PTPRD: variants seen among roughly 807,000 people sequenced by gnomAD.
PTPRD encodes the protein receptor-type tyrosine-protein phosphatase delta.
PTPRD carries 34 observed loss-of-function variants against 214.5 expected under a neutral mutation model. The observed-to-expected ratio is 0.16, with a 90% CI of 0.12 to 0.21. The LOEUF is 0.21. Among genes scored for constraint, PTPRD ranks in the 10% least tolerant of loss-of-function variants. PTPRD has a pLI of 1.00. For synonymous variants in PTPRD, 1,128 were observed against 845.7 expected (o/e 1.33, Z -5.79); for missense variants, 2,545 against 2,398.7 (o/e 1.06, Z -1.27).
intron 7 of PTPRD, among the ~76,000 whole-genome samples, chr9:9,658,616 T>C (rs577706056): frequency 1.3e-5 from 2 of 152,264 alleles, no homozygotes; most frequent in South Asian, 4.1e-4. Flanking sequence ...GGTTCTTTTA[T>C]TGGCAGAGAA....
chr9:8,718,509 G>A (rs1352087552), intron 12 of PTPRD, among the ~76,000 whole-genome samples: 1 of 151,980 alleles, frequency 6.6e-6, no homozygotes, highest in African/African-American at 2.4e-5. Context: ...AGTGGTTTCT[G>A]CTGCTTACAT....
chr9:9,519,274 T>C (rs1367152476), intron 8 of PTPRD, among the ~76,000 whole-genome samples: 1 of 144,942 alleles, frequency 6.9e-6, no homozygotes, highest in Non-Finnish European at 1.6e-5. Flanking sequence ...ATGGCCTCAG[T>C]GGCCATATAA....
chr9:10,457,427 G>A (rs1252986962), intron 2 of PTPRD, among the ~76,000 whole-genome samples: 1 of 151,918 alleles, frequency 6.6e-6, no homozygotes, highest in Non-Finnish European at 1.5e-5. Context: ...AGTCTATAAA[G>A]TCTTGGTTAT....
At chr9:9,651,742 C>T (rs1594253971) in intron 7 of PTPRD, among the ~76,000 whole-genome samples, 1 of 146,886 alleles carries the variant, frequency 6.8e-6, no homozygotes, top group East Asian at 2.0e-4. Flanking sequence ...GATTTATATT[C>T]ATTGGGTATA....
chr9:8,340,266 G>A (rs1323490867), intron 42 of PTPRD, 77 bp downstream of exon 42: 1 of 1,460,848 alleles, frequency 6.8e-7, no homozygotes, highest in Middle Eastern at 1.8e-4. Flanking sequence ...TCTAGCACAA[G>A]AGTTATTGAA....
At chr9:8,507,864 A>G (rs1341932551) in intron 21 of PTPRD, among the ~76,000 whole-genome samples, 1 of 152,226 alleles carries the variant, frequency 6.6e-6, no homozygotes, top group African/African-American at 2.4e-5. Flanking sequence ...TACATGTAAC[A>G]TTCAAAATTA....
intron 12 of PTPRD, among the ~76,000 whole-genome samples, chr9:8,727,813 T>A (rs1021347721): frequency 2.0e-5 from 3 of 152,178 alleles, no homozygotes; most frequent in African/African-American, 7.2e-5. Flanking sequence ...CCACCACAAC[T>A]GGCTGTTTTT....
intron 11 of PTPRD, among the ~76,000 whole-genome samples, chr9:8,904,644 C>T (rs528892517): frequency 3.8e-4 from 57 of 150,028 alleles, no homozygotes; most frequent in Non-Finnish European, 6.5e-4. Flanking sequence ...TGCACTCCAG[C>T]CTGGGTAGCA....
At chr9:9,232,536 C>T (rs773743546) in intron 9 of PTPRD, among the ~76,000 whole-genome samples, 1 of 152,082 alleles carries the variant, frequency 6.6e-6, no homozygotes, top group Non-Finnish European at 1.5e-5. Context: ...AAACATTTCA[C>T]TGTTATGAAA....
At chr9:10,599,616 A>G (rs2077474686) in intron 2 of PTPRD, among the ~76,000 whole-genome samples, 1 of 151,784 alleles carries the variant, frequency 6.6e-6, no homozygotes, top group Admixed American at 6.6e-5. Flanking sequence ...CAGGACAAAT[A>G]TTGCAACATT....
chr9:8,483,277 A>C (rs944476724), intron 30 of PTPRD, among the ~76,000 whole-genome samples: 1 of 152,142 alleles, frequency 6.6e-6, no homozygotes, highest in Non-Finnish European at 1.5e-5. Context: ...GTCATTTTTA[A>C]CTTTAACTTT....
At chr9:9,962,038 C>G (rs186699786) in intron 4 of PTPRD, among the ~76,000 whole-genome samples, 6 of 151,676 alleles carry the variant, frequency 4.0e-5, no homozygotes, top group Admixed American at 3.9e-4. Flanking sequence ...GAAAATAATC[C>G]CATAGAAACA....
chr9:9,945,215 C>T (rs760904079), intron 4 of PTPRD, among the ~76,000 whole-genome samples: 1 of 151,884 alleles, frequency 6.6e-6, no homozygotes, highest in Non-Finnish European at 1.5e-5. Context: ...GTAAGATGCC[C>T]GTTAGGCATT....
At chr9:10,608,701 G>C (rs939874277) in intron 2 of PTPRD, among the ~76,000 whole-genome samples, 1 of 152,138 alleles carries the variant, frequency 6.6e-6, no homozygotes, top group African/African-American at 2.4e-5. Context: ...CAATTGTAGT[G>C]ATGAAAGATA....
intron 2 of PTPRD, among the ~76,000 whole-genome samples, chr9:10,407,486 T>C (rs2098383039): frequency 6.6e-6 from 1 of 151,562 alleles, no homozygotes; most frequent in Non-Finnish European, 1.5e-5. Flanking sequence ...TATAGTTGGT[T>C]GGCTAGCACC....
intron 2 of PTPRD, among the ~76,000 whole-genome samples, chr9:10,583,506 C>T (rs117171007): frequency 6.6e-6 from 1 of 151,542 alleles, no homozygotes; most frequent in Non-Finnish European, 1.5e-5. Context: ...GGCTGGACTG[C>T]CGTGGCGCGA....
chr9:9,041,617 A>G (rs1181306395), intron 10 of PTPRD, among the ~76,000 whole-genome samples: 1 of 152,186 alleles, frequency 6.6e-6, no homozygotes, highest in East Asian at 1.9e-4. Flanking sequence ...TAATAAGGAA[A>G]CAGAACTATA....
At chr9:8,739,802 G>A (rs1178297562) in intron 11 of PTPRD, among the ~76,000 whole-genome samples, 1 of 152,128 alleles carries the variant, frequency 6.6e-6, no homozygotes, top group African/African-American at 2.4e-5. Context: ...TGAATTATAG[G>A]GGCAGGGCTT....
chr9:10,489,345 T>C (rs1485132731), intron 2 of PTPRD, among the ~76,000 whole-genome samples: 4 of 152,040 alleles, frequency 2.6e-5, no homozygotes. Context: ...CAAAACAAAG[T>C]CTTCACCACC....
Sources: gnomAD v4.1 joint callset for allele counts (sites outside exome capture counted in the v4.1 genomes callset) on GRCh38, gnomAD v4.1.1 for gene constraint, MANE v1.5 for transcripts, NCBI Gene and HGNC (gene_info 2026-07-23, HGNC 2026-07-21) for gene names.